EPHA6: variants seen among roughly 807,000 people sequenced by gnomAD.
EPHA6 encodes the protein ephrin type-A receptor 6.
Under a neutral mutation model 112.0 loss-of-function variants are expected in EPHA6, and 50 were observed. The ratio of observed to expected loss-of-function variants is 0.45; its 90% CI spans 0.36 to 0.56. EPHA6 has a LOEUF of 0.56. EPHA6 is among the 20% of genes least tolerant of loss of function. The pLI, the probability that EPHA6 is intolerant of heterozygous loss-of-function variation, is 0.00. For synonymous variants in EPHA6, 529 were observed against 490.7 expected (o/e 1.08, Z -1.03); for missense variants, 1,280 against 1,417.4 (o/e 0.90, Z 1.56).
At chr3:97,377,508 C>A (rs1424073791) in intron 5 of EPHA6, among the ~76,000 whole-genome samples, 1 of 152,048 alleles carries the variant, frequency 6.6e-6, no homozygotes, top group East Asian at 1.9e-4. Flanking sequence ...GTGGAAGTGA[C>A]TTTGGAACTT....
chr3:97,394,355 G>A (rs1342410195), intron 5 of EPHA6, among the ~76,000 whole-genome samples: 2 of 151,780 alleles, frequency 1.3e-5, no homozygotes, highest in African/African-American at 2.4e-5. Flanking sequence ...CAAGACATTG[G>A]TCTAGGAAAG....
chr3:97,534,616 T>C (rs2092738347), intron 11 of EPHA6, among the ~76,000 whole-genome samples: 1 of 152,054 alleles, frequency 6.6e-6, no homozygotes, highest in Non-Finnish European at 1.5e-5. Flanking sequence ...AGAGTGATGT[T>C]AATTGCCCCT....
intron 1 of EPHA6, among the ~76,000 whole-genome samples, chr3:96,821,818 G>T (rs1048720965): frequency 1.3e-5 from 2 of 151,744 alleles, no homozygotes; most frequent in African/African-American, 4.8e-5. Flanking sequence ...AAGTCACTCA[G>T]CAACCATAGA....
At chr3:97,027,003 G>A (rs1230198281) in intron 3 of EPHA6, among the ~76,000 whole-genome samples, 1 of 152,102 alleles carries the variant, frequency 6.6e-6, no homozygotes, top group African/African-American at 2.4e-5. Flanking sequence ...GTTCATTACA[G>A]CACTGTTCAC....
In EPHA6 at chr3:97,466,115, T is replaced by C. The variant is rs541767239; in HGVS notation, c.1895-9237T>C. 7.3e-5 allele frequency: 35 copies of C among 476,508 alleles called. 1 individual carries two copies. Among genetic ancestry groups the C allele is most frequent in the South Asian group, 6.3e-4 (33 of 52,464 alleles). 29.5% of individuals were successfully genotyped at this position (476,508 alleles called of 1,614,324 possible). A position where few individuals can be genotyped will look rare whatever the true frequency, so the allele number is the denominator to read the frequency against. ...ATAAATTGGAATATCTCCTGGCACA[T>C]GTGTTAGTCTTTCTGTAGAAAAAGG... On this transcript the variant is annotated intron_variant, in intron 7 of 17. Coordinates refer to ENST00000389672, the MANE Select transcript of EPHA6 (RefSeq NM_001080448.3).
intron 5 of EPHA6, among the ~76,000 whole-genome samples, chr3:97,273,688 G>A (rs1025092855): frequency 6.6e-6 from 1 of 152,094 alleles, no homozygotes; most frequent in Non-Finnish European, 1.5e-5. Flanking sequence ...GGATATAAAG[G>A]TTTCACTGAA....
In EPHA6 at chr3:97,199,740, AAAAC is replaced by A. The variant is rs369939464; in HGVS notation, c.1115-26508_1115-26505del. 1.1e-3 allele frequency among the ~76,000 whole-genome samples: 166 copies of A among 152,282 alleles called. 1 individual carries two copies. In the East Asian group the frequency reaches 0.02, roughly 18 times the overall value. ...GGATTCTAATTATCTCCTTCCAGAAAAAACAAACAAACAAACAAAACACTAATGT... is the reference window on the plus strand; with the variant it reads ...GGATTCTAATTATCTCCTTCCAGAAAAAACAAACAAACAAAACACTAATGT... On this transcript the variant is annotated intron_variant, in intron 3 of 17. Coordinates refer to ENST00000389672, the MANE Select transcript of EPHA6 (RefSeq NM_001080448.3).
chr3:97,503,810 A>T (rs2092181750), intron 10 of EPHA6, among the ~76,000 whole-genome samples: 1 of 152,188 alleles, frequency 6.6e-6, no homozygotes, highest in Non-Finnish European at 1.5e-5. Context: ...AAAATTCAAA[A>T]GTTTCATTAT....
intron 3 of EPHA6, among the ~76,000 whole-genome samples, chr3:97,187,475 C>T (rs1339073586): frequency 6.6e-6 from 1 of 150,522 alleles, no homozygotes. Context: ...GAGGCTGAGG[C>T]AGGAGAATTG....
chr3:97,330,584 G>A (rs1218921693), intron 5 of EPHA6, among the ~76,000 whole-genome samples: 2 of 151,764 alleles, frequency 1.3e-5, no homozygotes, highest in African/African-American at 4.8e-5. Flanking sequence ...GAAGCAGGCA[G>A]GGGTTGCAAT....
At chr3:97,460,418 T>C (rs2090848673) in intron 7 of EPHA6, among the ~76,000 whole-genome samples, 1 of 152,210 alleles carries the variant, frequency 6.6e-6, no homozygotes, top group Non-Finnish European at 1.5e-5. Flanking sequence ...GAGATCCCAT[T>C]CTGTACATAC....
In EPHA6 at chr3:97,340,214, C is replaced by G. The variant is rs558077040; in HGVS notation, c.1607-64936C>G. On this transcript the variant is annotated intron_variant, in intron 5 of 17. Transcript: ENST00000389672. ...AAAATATTTTTCAGGCAGTTCTTGA[C>G]CAAAGGCCTTTGTATATGTAGAAGT... Among the ~76,000 whole-genome samples the G allele has an allele frequency of 4.6e-5, 7 of 152,164 alleles. No individual in the cohort carries two copies. The South Asian group carries it at 1.2e-3, about 27-fold the overall frequency.
At chr3:97,139,306 A>C (rs958270007) in intron 3 of EPHA6, among the ~76,000 whole-genome samples, 1 of 152,192 alleles carries the variant, frequency 6.6e-6, no homozygotes, top group African/African-American at 2.4e-5. Flanking sequence ...CTGGTGGGGA[A>C]GCCAGCCTGC....
chr3:97,596,902 A>ATATATATG (rs1488752484), intron 12 of EPHA6, among the ~76,000 whole-genome samples: 20 of 114,322 alleles, frequency 1.7e-4, no homozygotes, highest in South Asian at 3.1e-4. Context: ...ATATATATAT[A>ATATATATG]TATGTATGTA....
intron 2 of EPHA6, among the ~76,000 whole-genome samples, chr3:96,921,767 C>T (rs2039777487): frequency 6.6e-6 from 1 of 151,964 alleles, no homozygotes; most frequent in South Asian, 2.1e-4. Flanking sequence ...GGGGTTTCAC[C>T]ATGTTGGCCA....
rs2090903175 is a variant in EPHA6, at chr3:97,461,955, T to C, written c.1894+13225T>C. Among the ~76,000 whole-genome samples, 3 of 152,300 alleles carry C rather than the reference T, an allele frequency of 2.0e-5. No homozygotes were observed. The South Asian group carries it at 6.2e-4, about 32-fold the overall frequency. On this transcript the variant is annotated intron_variant, in intron 7 of 17. Coordinates refer to ENST00000389672, the MANE Select transcript of EPHA6 (RefSeq NM_001080448.3). ...CTTGTAGATCCAGAACTACTCTCTC[T>C]ACTGTTTCTATGGTAATCAAATTAC...
At chr3:97,464,422 T>C (rs9830452) in intron 7 of EPHA6, among the ~76,000 whole-genome samples, 19,125 of 152,092 alleles carry the variant, frequency 0.13, 3,810 homozygotes, top group African/African-American at 0.42. Context: ...ATAGATGATA[T>C]AAATGGTACA....
intron 7 of EPHA6, among the ~76,000 whole-genome samples, chr3:97,449,054 G>A (rs9866569): frequency 2.3e-4 from 35 of 152,188 alleles, no homozygotes; most frequent in African/African-American, 7.0e-4. Context: ...GAATAAAGCC[G>A]TGAACAAATG....
chr3:96,914,556 G>A (rs1050337421), intron 2 of EPHA6, among the ~76,000 whole-genome samples: 3 of 152,216 alleles, frequency 2.0e-5, no homozygotes, highest in African/African-American at 4.8e-5. Flanking sequence ...GAAGCGTTCC[G>A]AATAGCCCAA....
Sources: allele counts gnomAD v4.1 joint callset (sites outside exome capture counted in the v4.1 genomes callset), GRCh38; gene constraint gnomAD v4.1.1; transcripts MANE v1.5; gene names NCBI Gene and HGNC (gene_info 2026-07-23, HGNC 2026-07-21).